The following SUMF1 variants were observed in gnomAD, a reference collection of about 807,000 sequenced individuals.
SUMF1 encodes formylglycine-generating enzyme.
Under a neutral mutation model 47.6 loss-of-function variants are expected in SUMF1, and 48 were observed. That is an observed-to-expected ratio of 1.01 (90% CI 0.80 to 1.28). The LOEUF is 1.28. Ranked by LOEUF, SUMF1 falls within the 50% of genes most tolerant of loss-of-function variation. The probability of loss-of-function intolerance (pLI) is 0.00; values close to 1 mark genes in which losing one functional copy is unlikely to be tolerated. For synonymous variants in SUMF1, 230 were observed against 192.1 expected (o/e 1.20, Z -1.63); for missense variants, 571 against 485.4 (o/e 1.18, Z -1.66).
intron 1 of SUMF1, among the ~76,000 whole-genome samples, chr3:4,461,906 C>T (rs1166742023): frequency 6.6e-6 from 1 of 152,132 alleles, no homozygotes; most frequent in African/African-American, 2.4e-5. Flanking sequence ...TCAAACAATC[C>T]ATATCTCCTC....
In SUMF1 at chr3:4,373,075, A is replaced by G. The variant is rs568223287; in HGVS notation, c.1014+3255T>C. On this transcript the variant is annotated intron_variant, in intron 8 of 8. Coordinates refer to ENST00000272902, the MANE Select transcript of SUMF1 (RefSeq NM_182760.4). The stretch of plus-strand genomic sequence containing the variant: ...TAAATTAAAACAAATCCTTCAAGTA[A>G]GCTAAGAAAAGATAAAAATGCATAA... Among the ~76,000 whole-genome samples, 12 of 152,346 alleles carry G rather than the reference A, an allele frequency of 7.9e-5. 1 individual carries two copies. The highest frequency in any genetic ancestry group is 2.9e-4 in the African/African-American group (12 of 41,588).
At chr3:4,039,594 T>C (rs932065511) in intron 9 of SUMF1, among the ~76,000 whole-genome samples, 1 of 147,666 alleles carries the variant, frequency 6.8e-6, no homozygotes, top group Non-Finnish European at 1.5e-5. Flanking sequence ...GGTGTATATG[T>C]GCCACATTTT....
chr3:4,363,252 A>G (rs1431394181), intron 8 of SUMF1, among the ~76,000 whole-genome samples: 2 of 152,202 alleles, frequency 1.3e-5, no homozygotes, highest in Admixed American at 1.3e-4. Flanking sequence ...TATCTAAATC[A>G]TATTTATGAT....
downstream of SUMF1, among the ~76,000 whole-genome samples, chr3:4,356,187 T>C (rs373253240): frequency 1.1e-3 from 165 of 152,354 alleles, 3 homozygotes; most frequent in South Asian, 0.033. Flanking sequence ...CTTTCACTAA[T>C]AGCACAACTG....
At chr3:4,353,530 G>A (rs543928482) in intron 8 of SUMF1, among the ~76,000 whole-genome samples, 3 of 152,182 alleles carry the variant, frequency 2.0e-5, no homozygotes, top group African/African-American at 7.2e-5. Flanking sequence ...GGGATTACAG[G>A]CGTGAGTCAC....
intron 8 of SUMF1, chr3:4,313,232 TTGTC>T: frequency 6.2e-7 from 1 of 1,613,930 alleles, no homozygotes; most frequent in Non-Finnish European, 8.5e-7. Context: ...AAAGGAAGGT[TTGTC>T]TGTGAATATG....
chr3:4,316,449 A>G (rs1204238547), intron 8 of SUMF1: 8 of 1,602,434 alleles, frequency 5.0e-6, no homozygotes, highest in East Asian at 2.3e-5. Flanking sequence ...GTTGAGAGCA[A>G]TCATCGAAGC....
At chr3:4,409,241 T>C (rs139497787) in intron 7 of SUMF1, among the ~76,000 whole-genome samples, 1 of 152,220 alleles carries the variant, frequency 6.6e-6, no homozygotes, top group Non-Finnish European at 1.5e-5. Context: ...GGAGTATGAA[T>C]TGTCTAAGGA....
chr3:4,130,496 T>G (rs1327083967), intron 8 of SUMF1, among the ~76,000 whole-genome samples: 1 of 152,176 alleles, frequency 6.6e-6, no homozygotes, highest in Non-Finnish European at 1.5e-5. Flanking sequence ...ACCATTACAC[T>G]GATGACATTA....
chr3:4,035,824 C>T lies in SUMF1; in HGVS notation c.1191+32745G>A, dbSNP rs142792829. Among the ~76,000 whole-genome samples the T allele has an allele frequency of 9.2e-5, 14 of 152,214 alleles. No individual in the cohort carries two copies. In the East Asian group the frequency reaches 2.7e-3, roughly 29 times the overall value. ...GATAGTAGGTGTCTGGTGCATAATGCGGTCTCAATAAACTGTAGTAATATT... is the reference window on the plus strand; with the variant it reads ...GATAGTAGGTGTCTGGTGCATAATGTGGTCTCAATAAACTGTAGTAATATT... On this transcript the variant is annotated intron_variant and NMD_transcript_variant, in intron 9 of 12. Coordinates refer to the SUMF1 transcript ENST00000448413.
At chr3:4,437,625 A>C (rs1702443611) in intron 3 of SUMF1, among the ~76,000 whole-genome samples, 1 of 152,194 alleles carries the variant, frequency 6.6e-6, no homozygotes, top group African/African-American at 2.4e-5. Flanking sequence ...TATACCCAAA[A>C]ACATAAAGAT....
At chr3:4,244,650 T>A (rs1696619414) in intron 8 of SUMF1, among the ~76,000 whole-genome samples, 1 of 152,208 alleles carries the variant, frequency 6.6e-6, no homozygotes, top group African/African-American at 2.4e-5. Flanking sequence ...GGCTTCCCTT[T>A]GTGTGTAACC....
At chr3:4,266,904 T>C (rs1697207056) in intron 8 of SUMF1, among the ~76,000 whole-genome samples, 1 of 151,100 alleles carries the variant, frequency 6.6e-6, no homozygotes, top group Admixed American at 6.6e-5. Context: ...GTCCCATCAA[T>C]ACCTAATTTA....
intron 8 of SUMF1, among the ~76,000 whole-genome samples, chr3:4,265,238 T>A (rs1218522188): frequency 1.3e-5 from 2 of 152,004 alleles, no homozygotes; most frequent in Non-Finnish European, 2.9e-5. Flanking sequence ...TTTTTGCTAC[T>A]ATTCTATTTC....
intron 7 of SUMF1, among the ~76,000 whole-genome samples, chr3:4,387,803 T>C (rs1700722628): frequency 6.6e-6 from 1 of 152,086 alleles, no homozygotes. Flanking sequence ...ACTGTTTGAT[T>C]CACCTTGGGA....
chr3:4,258,917 G>A lies in SUMF1; in HGVS notation c.1014+117413C>T, dbSNP rs564036564. On this transcript the variant is annotated intron_variant and NMD_transcript_variant, in intron 8 of 12. Coordinates refer to the SUMF1 transcript ENST00000448413. ...AGAAAATGTCGCACATATACACCAT[G>A]GAATACTATGCAGCCATAAAAAAGG... 5.1e-3 allele frequency among the ~76,000 whole-genome samples: 713 copies of A among 140,418 alleles called. 8 individuals carry two copies. Among genetic ancestry groups the A allele is most frequent in the African/African-American group, 0.017 (646 of 37,380 alleles). The allele number at this position is 140,418 out of a possible 152,430, so 92.1% of individuals were successfully genotyped here. A position where few individuals can be genotyped will look rare whatever the true frequency, so the allele number is the denominator to read the frequency against.
intron 8 of SUMF1, among the ~76,000 whole-genome samples, chr3:4,280,541 T>A (rs1697506936): frequency 1.3e-5 from 2 of 151,762 alleles, no homozygotes; most frequent in Non-Finnish European, 2.9e-5. Flanking sequence ...GAGGAAGGCT[T>A]TATAGAGAAG....
At chr3:4,295,033 AC>A (rs1430408014) in intron 8 of SUMF1, among the ~76,000 whole-genome samples, 12 of 152,176 alleles carry the variant, frequency 7.9e-5, no homozygotes, top group African/African-American at 2.2e-4. Flanking sequence ...TTTACGACAA[AC>A]TTTTCCTGGT....
At chr3:4,250,823 G>C (rs944548311) in intron 8 of SUMF1, among the ~76,000 whole-genome samples, 1 of 152,076 alleles carries the variant, frequency 6.6e-6, no homozygotes, top group Admixed American at 6.5e-5. Flanking sequence ...GTTGAGACTT[G>C]CTAATCAGAA....
Sources: gnomAD v4.1 joint callset for allele counts (sites outside exome capture counted in the v4.1 genomes callset) on GRCh38, gnomAD v4.1.1 for gene constraint, MANE v1.5 for transcripts, NCBI Gene and HGNC (gene_info 2026-07-23, HGNC 2026-07-21) for gene names.